Variants in LARGE1 observed in about 807,000 individuals in gnomAD.
LARGE1 encodes xylosyl- and glucuronyltransferase LARGE1.
A neutral mutation model predicts 87.6 loss-of-function variants in LARGE1; 43 were observed. The ratio of observed to expected loss-of-function variants is 0.49; its 90% CI spans 0.38 to 0.63. The LOEUF (loss-of-function observed/expected upper bound fraction) is 0.63, where lower values mean the gene tolerates loss of function less well. Ranked by LOEUF, LARGE1 falls within the 30% of genes least tolerant of loss-of-function variation. The probability of loss-of-function intolerance (pLI) is 0.00; values close to 1 mark genes in which losing one functional copy is unlikely to be tolerated. For missense variants in LARGE1, 802 were observed against 1,000.2 expected, an observed-to-expected ratio of 0.80 and a Z score of 2.67; for synonymous variants, 434 against 394.6, an observed-to-expected ratio of 1.10 and a Z score of -1.18.
intron 1 of LARGE1, among the ~76,000 whole-genome samples, chr22:33,867,082 A>G (rs2064127432): frequency 6.6e-6 from 1 of 152,204 alleles, no homozygotes; most frequent in African/African-American, 2.4e-5. Context: ...GGATGGATAG[A>G]TGAATGAATG....
At chr22:33,861,274 G>A (rs547093329) in intron 1 of LARGE1, among the ~76,000 whole-genome samples, 5 of 152,138 alleles carry the variant, frequency 3.3e-5, no homozygotes, top group East Asian at 1.9e-4. Context: ...CTTGGTGGCC[G>A]AGTACAGCCA....
chr22:33,554,676 T>C (rs1286907714), intron 6 of LARGE1, among the ~76,000 whole-genome samples: 1 of 152,230 alleles, frequency 6.6e-6, no homozygotes, highest in Non-Finnish European at 1.5e-5. Flanking sequence ...TTGAAAGTAC[T>C]GTTTTCCTGT....
At chr22:33,266,376 C>T (rs1172832075) in intron 11 of LARGE1, among the ~76,000 whole-genome samples, 1 of 151,246 alleles carries the variant, frequency 6.6e-6, no homozygotes, top group African/African-American at 2.5e-5. Flanking sequence ...CACTCGCCAC[C>T]ATGCCCAGCT....
intron 6 of LARGE1, among the ~76,000 whole-genome samples, chr22:33,534,978 T>G (rs1423463178): frequency 1.3e-5 from 2 of 152,178 alleles, no homozygotes; most frequent in Non-Finnish European, 2.9e-5. Context: ...CGACTTTACA[T>G]GAGCACTTGG....
At chr22:33,591,833 C>T (rs2148921332) in intron 5 of LARGE1, among the ~76,000 whole-genome samples, 1 of 146,776 alleles carries the variant, frequency 6.8e-6, no homozygotes, top group African/African-American at 2.5e-5. Flanking sequence ...ATAGCAAGAC[C>T]CGTCTCTCCA....
chr22:33,120,390 CT>C, the LARGE1 span, among the ~76,000 whole-genome samples: 1 of 94,588 alleles, frequency 1.1e-5, no homozygotes, highest in Non-Finnish European at 2.0e-5. Flanking sequence ...TTCTTTCTTT[CT>C]TTCTTTCTTT....
At chr22:33,665,907 A>C (rs1354855203) in intron 2 of LARGE1, among the ~76,000 whole-genome samples, 3 of 152,164 alleles carry the variant, frequency 2.0e-5, no homozygotes, top group South Asian at 2.1e-4. Context: ...AAAAGAAAAA[A>C]AAAAGCAGAA....
chr22:33,385,489 C>G (rs145294627), intron 7 of LARGE1, among the ~76,000 whole-genome samples: 1 of 120,320 alleles, frequency 8.3e-6, no homozygotes, highest in Non-Finnish European at 1.6e-5. Context: ...GATCGTGCCA[C>G]GGCACTCCAG....
At chr22:33,520,896 C>T (rs2071549044) in intron 6 of LARGE1, among the ~76,000 whole-genome samples, 1 of 152,186 alleles carries the variant, frequency 6.6e-6, no homozygotes, top group African/African-American at 2.4e-5. Context: ...CACTGATCAG[C>T]ACCTGAAATC....
At chr22:33,862,995 T>C (rs1365104072) in intron 1 of LARGE1, among the ~76,000 whole-genome samples, 1 of 152,096 alleles carries the variant, frequency 6.6e-6, no homozygotes, top group Non-Finnish European at 1.5e-5. Context: ...GATGAGAAAA[T>C]TAAGGCACAG....
intron 12 of LARGE1, among the ~76,000 whole-genome samples, chr22:33,297,210 G>C (rs900898892): frequency 1.3e-5 from 2 of 152,270 alleles, no homozygotes; most frequent in Admixed American, 1.3e-4. Context: ...AAAATGTAAG[G>C]GGGTAGGTGG....
intron 6 of LARGE1, among the ~76,000 whole-genome samples, chr22:33,560,508 A>G (rs1322313567): frequency 6.6e-6 from 1 of 152,240 alleles, no homozygotes; most frequent in Non-Finnish European, 1.5e-5. Flanking sequence ...TTGAATATTC[A>G]GCACGGCCTT....
intron 3 of LARGE1, among the ~76,000 whole-genome samples, chr22:33,632,359 T>G (rs572920056): frequency 6.6e-6 from 1 of 152,108 alleles, no homozygotes; most frequent in Non-Finnish European, 1.5e-5. Context: ...CCTGGCCTCA[T>G]GTGATCCGCC....
At chr22:33,843,022 T>A (rs1332706492) in intron 1 of LARGE1, among the ~76,000 whole-genome samples, 5 of 152,164 alleles carry the variant, frequency 3.3e-5, no homozygotes, top group Non-Finnish European at 7.4e-5. Flanking sequence ...GGGTCCTGTC[T>A]ATGTTGTTCA....
chr22:33,743,134 G>C (rs1169522255), intron 2 of LARGE1: 1 of 152,078 alleles, frequency 6.6e-6, no homozygotes, highest in Non-Finnish European at 1.5e-5. Context: ...CTGATTGTAA[G>C]CACCCTGAGG....
intron 7 of LARGE1, among the ~76,000 whole-genome samples, chr22:33,404,315 G>GA (rs2066024015): frequency 6.6e-6 from 1 of 152,150 alleles, no homozygotes; most frequent in Non-Finnish European, 1.5e-5. Context: ...TGATAAATTG[G>GA]AAAAACAGCA....
chr22:33,407,448 C>T (rs1181215715), intron 7 of LARGE1, among the ~76,000 whole-genome samples: 5 of 152,122 alleles, frequency 3.3e-5, no homozygotes, highest in Non-Finnish European at 7.4e-5. Flanking sequence ...CATATCTTTC[C>T]AGTTGAGAGT....
chr22:33,485,560 T>C (rs1209380621), intron 6 of LARGE1, among the ~76,000 whole-genome samples: 1 of 152,310 alleles, frequency 6.6e-6, no homozygotes, highest in Admixed American at 6.5e-5. Context: ...ATATGCAAAC[T>C]AGAAATAACT....
Position 33,432,595 on chromosome 22 carries a change from T to TCATTCATTCATG in LARGE1, c.788-331_788-330insCATGAATGAATG, listed in dbSNP as rs146169927. The stretch of plus-strand genomic sequence containing the variant: ...TTCATTCATTCATTCATTCATTCAT[T>TCATTCATTCATG]CATGCATGCATGCATGCATTTCTTT... On this transcript the variant is annotated intron_variant, in intron 6 of 14. Coordinates refer to ENST00000397394, the MANE Select transcript of LARGE1 (RefSeq NM_133642.5). Among the ~76,000 whole-genome samples, 3,294 of 147,142 alleles carry TCATTCATTCATG rather than the reference T, an allele frequency of 0.022. 70 individuals are homozygous for TCATTCATTCATG. Among genetic ancestry groups the TCATTCATTCATG allele is most frequent in the African/African-American group, 0.062 (2,463 of 39,590 alleles).
Sources: gnomAD v4.1 joint callset for allele counts (sites outside exome capture counted in the v4.1 genomes callset) on GRCh38, gnomAD v4.1.1 for gene constraint, MANE v1.5 for transcripts, NCBI Gene and HGNC (gene_info 2026-07-23, HGNC 2026-07-21) for gene names.